Variants in SIK3 observed in about 807,000 individuals in gnomAD.
SIK3 encodes the protein serine/threonine-protein kinase SIK3.
SIK3 carries 28 observed loss-of-function variants against 144.2 expected under a neutral mutation model. The observed-to-expected ratio is 0.19, with a 90% CI of 0.14 to 0.27. The LOEUF (loss-of-function observed/expected upper bound fraction) is 0.27. Among genes scored for constraint, SIK3 ranks in the 10% least tolerant of loss-of-function variants. The pLI, the probability that SIK3 is intolerant of heterozygous loss-of-function variation, is 1.00. For missense variants in SIK3, 1,319 were observed against 1,776.0 expected (o/e 0.74, Z 4.62); for synonymous variants, 686 against 676.3 (o/e 1.01, Z -0.22).
intron 1 of SIK3, among the ~76,000 whole-genome samples, chr11:116,973,992 C>T (rs184512893): frequency 6.6e-5 from 10 of 152,182 alleles, no homozygotes; most frequent in South Asian, 2.1e-4. Context: ...TAAAAACTAA[C>T]GGAATTTGAG....
chr11:116,895,446 A>G (rs568413278), intron 6 of SIK3, among the ~76,000 whole-genome samples: 1 of 152,364 alleles, frequency 6.6e-6, no homozygotes, highest in Non-Finnish European at 1.5e-5. Flanking sequence ...ATCAGTTCAA[A>G]GGAGCCAAGT....
In SIK3 at chr11:116,849,353, A is replaced by T. The variant is rs1942249233; in HGVS notation, c.3656-70T>A. 8 of 1,587,880 alleles carry T rather than the reference A, an allele frequency of 5.0e-6. No homozygotes were observed. The highest frequency in any genetic ancestry group is 5.2e-6 in the Non-Finnish European group (6 of 1,161,354). ...CCAGCACTGGAAACTCCCATCCAAG[A>T]AATGTCTTGCAAGGGACAATGGGCA... On this transcript the variant is annotated intron_variant, in intron 21 of 24. Transcript: ENST00000445177. This position sits in a 1 kb window ranked among gnomAD's most constrained non-coding sequence, Gnocchi z 4.2.
intron 3 of SIK3, among the ~76,000 whole-genome samples, chr11:116,952,713 T>C (rs1948986578): frequency 1.3e-5 from 2 of 152,196 alleles, no homozygotes; most frequent in African/African-American, 4.8e-5. Flanking sequence ...ATCTTCAAAG[T>C]AATATGTTGA....
chr11:116,955,344 G>C (rs1308187823), intron 2 of SIK3, among the ~76,000 whole-genome samples: 1 of 152,196 alleles, frequency 6.6e-6, no homozygotes, highest in African/African-American at 2.4e-5. Context: ...GCTGCAGTGA[G>C]CAGAGATCAT....
rs539815326 is a variant in SIK3, at chr11:117,081,449, C to T, written c.273+16694G>A. ...CCATCCTGGCTAACACGGTGAAACC[C>T]CGTCTCTACTAAAAATTACAAAAGA... On this transcript the variant is annotated intron_variant, in intron 1 of 24. Coordinates refer to ENST00000445177, the MANE Select transcript of SIK3 (RefSeq NM_001366686.3). Among the ~76,000 whole-genome samples the T allele has an allele frequency of 3.7e-4, 56 of 152,184 alleles. 1 individual carries two copies. The highest frequency in any genetic ancestry group is 1.3e-3 in the African/African-American group (55 of 41,536).
intron 1 of SIK3, among the ~76,000 whole-genome samples, chr11:116,992,708 G>A (rs1950538551): frequency 6.6e-6 from 1 of 152,214 alleles, no homozygotes; most frequent in African/African-American, 2.4e-5. Context: ...TAGGTCAGGA[G>A]CAGTAGCTCA....
rs780921452 is a variant in SIK3 at position 116,897,279 on chromosome 11, G to T, written c.655C>A (p.Leu219Met). 2 of 1,614,082 alleles carry T rather than the reference G, an allele frequency of 1.2e-6. No individual in the cohort carries two copies. The highest frequency in any genetic ancestry group is 1.7e-6 in the Non-Finnish European group (2 of 1,179,964). The change falls in exon 5 of 25, where the codon CTG becomes ATG. Residue 219 changes from leucine to methionine, a missense_variant. Transcript: ENST00000445177. ...GGAGGGCTGCCACACCAGGTCTTCA[G>T]CAGCTGCCCAGGAGTGAAGAGGTTA... is the stretch of plus-strand genomic sequence containing the variant. Reference protein sequence around the residue: ...FSNLFTPGQLLKTWCGSPPYA... With the variant: ...FSNLFTPGQLMKTWCGSPPYA...
chr11:117,046,255 T>G (rs969197659), intron 1 of SIK3, among the ~76,000 whole-genome samples: 1 of 152,216 alleles, frequency 6.6e-6, no homozygotes, highest in South Asian at 2.1e-4. Context: ...CAAAATACCA[T>G]GACACAATTA....
intron 4 of SIK3, among the ~76,000 whole-genome samples, chr11:116,907,538 C>T (rs543295538): frequency 2.0e-5 from 3 of 152,106 alleles, no homozygotes; most frequent in Admixed American, 1.3e-4. Context: ...CCCAGCTACT[C>T]GGGAGGCTGA....
At chr11:117,024,160 C>A (rs1383605898) in intron 1 of SIK3, among the ~76,000 whole-genome samples, 1 of 152,012 alleles carries the variant, frequency 6.6e-6, no homozygotes, top group African/African-American at 2.4e-5. Flanking sequence ...GCATCTGTAC[C>A]CCACTGGGTT....
chr11:116,927,275 C>T lies in SIK3; in HGVS notation c.560G>A (p.Arg187His). The T allele has an allele frequency of 6.2e-7, 1 of 1,613,946 alleles. No individual in the cohort carries two copies. Among genetic ancestry groups the T allele is most frequent in the Non-Finnish European group, 8.5e-7 (1 of 1,179,898 alleles). ...YFCHCRNIVH[R>H]DLKAENLLLD... The stretch of plus-strand genomic sequence containing the variant: ...AAGTAAATTTTCAGCTTTTAAATCA[C>T]GATGAACAATGTTCCGACAGTGACA... The change falls in exon 4 of 25, where the codon CGT (arginine) becomes CAT (histidine). Residue 187 changes from arginine to histidine, a missense_variant. Transcript: ENST00000445177.
chr11:116,931,473 C>T (rs546533517), intron 3 of SIK3, among the ~76,000 whole-genome samples: 2 of 152,326 alleles, frequency 1.3e-5, no homozygotes, highest in South Asian at 4.1e-4. Context: ...CCACTCTAAA[C>T]AGACAGTGTC....
intron 1 of SIK3, among the ~76,000 whole-genome samples, chr11:117,013,535 A>AT (rs1951360527): frequency 1.3e-5 from 2 of 152,020 alleles, no homozygotes; most frequent in African/African-American, 2.4e-5. Flanking sequence ...AACGAAGTGT[A>AT]TTTTTTTGAA....
intron 3 of SIK3, among the ~76,000 whole-genome samples, chr11:116,951,939 AGAAT>A (rs1948954551): frequency 8.9e-6 from 1 of 112,122 alleles, no homozygotes; most frequent in Admixed American, 1.0e-4. Context: ...AGCTCAAAAA[AGAAT>A]AAATAAATAA....
intron 1 of SIK3, among the ~76,000 whole-genome samples, chr11:117,008,270 T>C (rs932513152): frequency 3.9e-5 from 6 of 152,220 alleles, no homozygotes; most frequent in African/African-American, 1.4e-4. Context: ...AGCACTTTCA[T>C]CTGATTTAAT....
At chr11:116,941,784 G>T (rs1420277512) in intron 3 of SIK3, among the ~76,000 whole-genome samples, 1 of 152,160 alleles carries the variant, frequency 6.6e-6, no homozygotes, top group Non-Finnish European at 1.5e-5. Context: ...AATTTTGCTT[G>T]ATAAAGTGCT....
intron 1 of SIK3, among the ~76,000 whole-genome samples, chr11:117,067,405 A>G (rs1468067776): frequency 6.6e-6 from 1 of 152,196 alleles, no homozygotes. Flanking sequence ...TGAATCTTAA[A>G]GAATGCTGAT....
intron 4 of SIK3, among the ~76,000 whole-genome samples, chr11:116,904,121 A>G (rs570751989): frequency 2.0e-5 from 3 of 152,304 alleles, no homozygotes; most frequent in Non-Finnish European, 4.4e-5. Context: ...TGGGAATAGC[A>G]ATGTGTTAGA....
chr11:117,068,471 T>G (rs568851139), intron 1 of SIK3, among the ~76,000 whole-genome samples: 3 of 152,328 alleles, frequency 2.0e-5, no homozygotes, highest in Admixed American at 1.3e-4. Context: ...CTTTGTGGTC[T>G]GGCATGATGG....
Sources: allele counts gnomAD v4.1 joint callset (sites outside exome capture counted in the v4.1 genomes callset), GRCh38; gene constraint gnomAD v4.1.1; non-coding constraint Gnocchi (gnomAD v3.1); transcripts MANE v1.5; gene names NCBI Gene and HGNC (gene_info 2026-07-23, HGNC 2026-07-21).